TMEM106B: variants seen among roughly 807,000 people sequenced by gnomAD.
TMEM106B encodes transmembrane protein 106B.
TMEM106B carries 15 observed loss-of-function variants against 31.1 expected under a neutral mutation model. That is an observed-to-expected ratio of 0.48 (90% CI 0.32 to 0.74). The LOEUF (loss-of-function observed/expected upper bound fraction) is 0.74, where lower values mean the gene tolerates loss of function less well. TMEM106B is among the 30% of genes least tolerant of loss of function. The pLI is 0.03. For missense variants in TMEM106B, 283 were observed against 327.3 expected, an observed-to-expected ratio of 0.86 and a Z score of 1.04; for synonymous variants, 126 against 112.5, an observed-to-expected ratio of 1.12 and a Z score of -0.76.
At chr7:12,216,330 G>C (rs1781686525) in intron 2 of TMEM106B, among the ~76,000 whole-genome samples, 1 of 151,622 alleles carries the variant, frequency 6.6e-6, no homozygotes, top group African/African-American at 2.4e-5. Flanking sequence ...GTTTTTTTGG[G>C]GGGGTTTGTT....
rs2128529158 is a variant in TMEM106B, at chr7:12,236,389, T to C, written c.*4414T>C. 1 of 152,090 alleles carries C rather than the reference T, an allele frequency of 6.6e-6. No individual in the cohort carries two copies. The highest frequency in any genetic ancestry group is 2.4e-5 in the African/African-American group (1 of 41,548). The allele number at this position is 152,090 out of a possible 1,614,324, so 9.4% of individuals were successfully genotyped here. On this transcript the variant is annotated 3_prime_UTR_variant, in exon 8 of 8. Coordinates refer to ENST00000396668, the MANE Select transcript of TMEM106B (RefSeq NM_001134232.2). Reference sequence around the variant, plus strand: ...ACAGACTCTAAATTGAAAAATGTAGTATGATCTATATTTGACCCTAAAAAT... The same window carrying C: ...ACAGACTCTAAATTGAAAAATGTAGCATGATCTATATTTGACCCTAAAAAT...
chr7:12,212,578 G>A (rs1781602217), intron 1 of TMEM106B, among the ~76,000 whole-genome samples: 1 of 151,536 alleles, frequency 6.6e-6, no homozygotes, highest in Admixed American at 6.6e-5. Context: ...GTTTATTTGA[G>A]TGACAGCAAC....
chr7:12,230,477 A>T, intron 6 of TMEM106B, 39 bp downstream of exon 6: 1 of 1,308,014 alleles, frequency 7.6e-7, no homozygotes, highest in Non-Finnish European at 1.1e-6. Flanking sequence ...TTGTCAAATA[A>T]TGAAGTGTAT....
Position 12,238,630 on chromosome 7 carries a change from TC to T in TMEM106B, c.*6658del, listed in dbSNP as rs1279526808. ...AGTAAGATTCAAAAGTCAAATTTAC[TC>T]CCTGATCCATGGCTGCAGAATGCAC... On this transcript the variant is annotated 3_prime_UTR_variant, in exon 8 of 8. Coordinates refer to ENST00000396668, the MANE Select transcript of TMEM106B (RefSeq NM_001134232.2). The T allele has an allele frequency of 1.3e-5, 2 of 152,164 alleles. No individual in the cohort carries two copies. Among genetic ancestry groups the T allele is most frequent in the Non-Finnish European group, 2.9e-5 (2 of 68,036 alleles). The allele number at this position is 152,164 out of a possible 1,614,324, so 9.4% of individuals were successfully genotyped here. A position where few individuals can be genotyped will look rare whatever the true frequency, so the allele number is the denominator to read the frequency against.
chr7:12,223,013 G>T (rs925209612), intron 3 of TMEM106B, among the ~76,000 whole-genome samples: 1 of 152,102 alleles, frequency 6.6e-6, no homozygotes, highest in Non-Finnish European at 1.5e-5. Context: ...ATAAGTAATT[G>T]TCATGCAAGA....
At chr7:12,229,952 C>G in intron 5 of TMEM106B, 133 bp downstream of exon 5, 2 of 988,324 alleles carry the variant, frequency 2.0e-6, no homozygotes. Flanking sequence ...TACAGTGGCT[C>G]ATGCCTGTGA....
rs186407179 is a variant in TMEM106B at position 12,223,865 on chromosome 7, C to T, written c.282-361C>T. 7.0e-4 allele frequency among the ~76,000 whole-genome samples: 106 copies of T among 151,962 alleles called. No homozygotes were observed. In the East Asian group the frequency reaches 0.019, roughly 27 times the overall value. On this transcript the variant is annotated intron_variant, in intron 3 of 7. Transcript: ENST00000396668. The stretch of plus-strand genomic sequence containing the variant: ...CCTCCTGAGTAGCTGGGATTACAGG[C>T]GCACACCACCACACCTGGCTAATTT...
rs1782250623 is a variant in TMEM106B at position 12,242,405 on chromosome 7, A to AAAAT, written c.*10432_*10433insATAA. The AAAAT allele has an allele frequency of 6.6e-6, 1 of 151,120 alleles. No individual in the cohort carries two copies. Among genetic ancestry groups the AAAAT allele is most frequent in the Non-Finnish European group, 1.5e-5 (1 of 67,780 alleles). 9.4% of individuals were successfully genotyped at this position (151,120 alleles called of 1,614,324 possible). On this transcript the variant is annotated 3_prime_UTR_variant, in exon 8 of 8. Transcript: ENST00000396668. ...AAAAAAAAAAAAAAAAAAAAAAAAA[A>AAAAT]AATACCCTTCTTTAACAAAATCAAG...
Position 12,240,587 on chromosome 7 carries a change from G to A in TMEM106B, c.*8612G>A, listed in dbSNP as rs749276995. ...TCTCTGTAGAATAATATGGAAAAAC[G>A]AAAATGAAAAGATGTATTACCTGAA... On this transcript the variant is annotated 3_prime_UTR_variant, in exon 8 of 8. Coordinates refer to ENST00000396668, the MANE Select transcript of TMEM106B (RefSeq NM_001134232.2). 2 of 151,810 alleles carry A rather than the reference G, an allele frequency of 1.3e-5. No individual in the cohort carries two copies. Among genetic ancestry groups the A allele is most frequent in the African/African-American group, 2.4e-5 (1 of 41,330 alleles). 9.4% of individuals were successfully genotyped at this position (151,810 alleles called of 1,614,324 possible). A position where few individuals can be genotyped will look rare whatever the true frequency, so the allele number is the denominator to read the frequency against.
Position 12,224,461 on chromosome 7 carries a change from G to A in TMEM106B, c.441+76G>A, listed in dbSNP as rs1039425599. 29 of 1,263,154 alleles carry A rather than the reference G, an allele frequency of 2.3e-5. No homozygotes were observed. In the African/African-American group the frequency reaches 3.0e-4, roughly 13 times the overall value. 78.2% of individuals were successfully genotyped at this position (1,263,154 alleles called of 1,614,324 possible). A position where few individuals can be genotyped will look rare whatever the true frequency, so the allele number is the denominator to read the frequency against. On this transcript the variant is annotated intron_variant, in intron 4 of 7. Coordinates refer to ENST00000396668, the MANE Select transcript of TMEM106B (RefSeq NM_001134232.2). ...TAAGCAGCACCTTTGTCCCCATTGAGAAGAGATGTTTGTTAAATGTGACAC... is the reference window on the plus strand; with the variant it reads ...TAAGCAGCACCTTTGTCCCCATTGAAAAGAGATGTTTGTTAAATGTGACAC...
chr7:12,231,425 A>G (rs1782020412), intron 7 of TMEM106B: 2 of 279,678 alleles, frequency 7.2e-6, no homozygotes, highest in Admixed American at 5.0e-5. Context: ...ATTAACAGTA[A>G]TAAGAATATT....
chr7:12,227,891 T>G (rs565897713), intron 4 of TMEM106B, among the ~76,000 whole-genome samples: 321 of 151,992 alleles, frequency 2.1e-3, no homozygotes, highest in South Asian at 0.015. Flanking sequence ...CAACCTGTAT[T>G]ACATCATTGA....
rs1414222239 is a variant in TMEM106B at position 12,241,067 on chromosome 7, T to C, written c.*9092T>C. On this transcript the variant is annotated 3_prime_UTR_variant, in exon 8 of 8. Coordinates refer to ENST00000396668, the MANE Select transcript of TMEM106B (RefSeq NM_001134232.2). ...AAATGATTTTCCATTTTAACATACA[T>C]TTTAAATGTTTTGTCTTCAAAGGGA... 1 of 152,194 alleles carries C rather than the reference T, an allele frequency of 6.6e-6. No individual in the cohort carries two copies. Among genetic ancestry groups the C allele is most frequent in the Non-Finnish European group, 1.5e-5 (1 of 68,036 alleles). The allele number at this position is 152,194 out of a possible 1,614,324, so 9.4% of individuals were successfully genotyped here. A position where few individuals can be genotyped will look rare whatever the true frequency, so the allele number is the denominator to read the frequency against.
At chr7:12,213,145 T>A (rs1053715739) in intron 1 of TMEM106B, among the ~76,000 whole-genome samples, 1 of 152,210 alleles carries the variant, frequency 6.6e-6, no homozygotes, top group African/African-American at 2.4e-5. Context: ...TTATTTCTAC[T>A]TAGATTTTTA....
At chr7:12,223,106 T>C (rs1037809308) in intron 3 of TMEM106B, among the ~76,000 whole-genome samples, 5 of 152,230 alleles carry the variant, frequency 3.3e-5, no homozygotes, top group Non-Finnish European at 7.3e-5. Context: ...ATTTGAACTC[T>C]GGTTTTGAGG....
In TMEM106B at chr7:12,241,243, ACAC is replaced by A. The variant is rs1562714645; in HGVS notation, c.*9270_*9272del. The A allele has an allele frequency of 6.6e-6, 1 of 152,106 alleles. No homozygotes were observed. The allele number at this position is 152,106 out of a possible 1,614,324, so 9.4% of individuals were successfully genotyped here. ...AATTTTAATCCCAAATCTATTTCAG[ACAC>A]CTAACTTTTTTTTTATTTTTTATAC... is the stretch of plus-strand genomic sequence containing the variant. On this transcript the variant is annotated 3_prime_UTR_variant, in exon 8 of 8. Coordinates refer to ENST00000396668, the MANE Select transcript of TMEM106B (RefSeq NM_001134232.2).
At chr7:12,216,351 A>G (rs557712868) in intron 2 of TMEM106B, among the ~76,000 whole-genome samples, 1 of 147,344 alleles carries the variant, frequency 6.8e-6, no homozygotes, top group African/African-American at 2.6e-5. Flanking sequence ...TGAGCAACTG[A>G]AAGAATGTAG....
chr7:12,233,604 A>G lies in TMEM106B; in HGVS notation c.*1629A>G, dbSNP rs1782072323. On this transcript the variant is annotated 3_prime_UTR_variant, in exon 8 of 8. Coordinates refer to ENST00000396668, the MANE Select transcript of TMEM106B (RefSeq NM_001134232.2). Reference sequence around the variant, plus strand: ...TTTAACACTAGTCTTCCCTTAATTCATTGCTAACTCAAGCCATCCTTACTA... The same window carrying G: ...TTTAACACTAGTCTTCCCTTAATTCGTTGCTAACTCAAGCCATCCTTACTA... 1 of 149,716 alleles carries G rather than the reference A, an allele frequency of 6.7e-6. No individual in the cohort carries two copies. The highest frequency in any genetic ancestry group is 1.5e-5 in the Non-Finnish European group (1 of 67,278). The allele number at this position is 149,716 out of a possible 1,614,324, so 9.3% of individuals were successfully genotyped here.
At chr7:12,212,383 G>C (rs566381204) in intron 1 of TMEM106B, among the ~76,000 whole-genome samples, 11 of 152,094 alleles carry the variant, frequency 7.2e-5, no homozygotes, top group Non-Finnish European at 1.2e-4. Flanking sequence ...GTGATGTTAA[G>C]TCTTCCCTAT....
Sources: gnomAD v4.1 joint callset for allele counts (sites outside exome capture counted in the v4.1 genomes callset) on GRCh38, gnomAD v4.1.1 for gene constraint, MANE v1.5 for transcripts, NCBI Gene and HGNC (gene_info 2026-07-23, HGNC 2026-07-21) for gene names.